Variants in MAK16 observed in about 807,000 individuals in gnomAD.
MAK16 encodes the protein MAK16 homolog.
In MAK16, 12 loss-of-function variants were observed where a neutral mutation model predicts 49.9. That is an observed-to-expected ratio of 0.24 (90% CI 0.15 to 0.39). The LOEUF (loss-of-function observed/expected upper bound fraction) is 0.39, where lower values mean the gene tolerates loss of function less well. Among genes scored for constraint, MAK16 ranks in the 10% least tolerant of loss-of-function variants. The pLI, the probability that MAK16 is intolerant of heterozygous loss-of-function variation, is 1.00. For synonymous variants in MAK16, 115 were observed against 126.4 expected, an observed-to-expected ratio of 0.91 and a Z score of 0.60; for missense variants, 292 against 363.7, an observed-to-expected ratio of 0.80 and a Z score of 1.60.
At chr8:33,497,536 A>G (rs1401367152) in intron 9 of MAK16, among the ~76,000 whole-genome samples, 3 of 151,860 alleles carry the variant, frequency 2.0e-5, no homozygotes, top group African/African-American at 7.3e-5. Flanking sequence ...TCTGTAGCTC[A>G]GGCTAGAGTG....
chr8:33,490,800 C>A (rs1309724286), intron 6 of MAK16, among the ~76,000 whole-genome samples: 1 of 152,138 alleles, frequency 6.6e-6, no homozygotes, highest in Non-Finnish European at 1.5e-5. Context: ...GTTCAATTAT[C>A]CTTACAGTTA....
intron 6 of MAK16, 142 bp from the exon 7 acceptor site, chr8:33,495,400 G>A (rs1275985231): frequency 2.3e-5 from 15 of 662,048 alleles, no homozygotes; most frequent in Non-Finnish European, 3.6e-5. Flanking sequence ...CTATCTCGTT[G>A]GAAAGGCAAA....
chr8:33,485,393 GTT>G (rs1808670003), intron 1 of MAK16, 172 bp downstream of exon 1: 6 of 839,348 alleles, frequency 7.1e-6, no homozygotes, highest in Non-Finnish European at 1.2e-5. Context: ...TCTAGCAGGG[GTT>G]TACTGCCCGC....
chr8:33,495,785 C>T (rs541283157), intron 7 of MAK16, among the ~76,000 whole-genome samples, 169 bp downstream of exon 7: 59 of 140,128 alleles, frequency 4.2e-4, no homozygotes, highest in African/African-American at 7.1e-4. Context: ...GGTGCAATCT[C>T]GGCTCACTGC....
chr8:33,487,088 T>TA (rs370838164), intron 1 of MAK16, among the ~76,000 whole-genome samples: 182 of 152,326 alleles, frequency 1.2e-3, no homozygotes, highest in Non-Finnish European at 2.0e-3. Context: ...AGCTTTTTTT[T>TA]ACCCCAGTTC....
At chr8:33,495,837 C>T (rs1808850970) in intron 7 of MAK16, among the ~76,000 whole-genome samples, 1 of 151,310 alleles carries the variant, frequency 6.6e-6, no homozygotes, top group Non-Finnish European at 1.5e-5. Flanking sequence ...CTGCCTCAGC[C>T]TCCTGAGTAG....
At chr8:33,485,383 T>C (rs1296023163) in intron 1 of MAK16, 162 bp downstream of exon 1, 1 of 934,402 alleles carries the variant, frequency 1.1e-6, no homozygotes, top group South Asian at 1.5e-5. Context: ...CTCACGCGTG[T>C]CTAGCAGGGG....
Position 33,501,229 on chromosome 8 carries a change from G to A in MAK16, c.*2600G>A, listed in dbSNP as rs1003862499. On this transcript the variant is annotated 3_prime_UTR_variant, in exon 10 of 10. Coordinates refer to ENST00000360128, the MANE Select transcript of MAK16 (RefSeq NM_032509.4). Reference sequence around the variant, plus strand: ...TTAACTTACAATGTGAAAATACAATGTGAAATGTACAATAAATCATATTTA... The same window carrying A: ...TTAACTTACAATGTGAAAATACAATATGAAATGTACAATAAATCATATTTA... 6.6e-6 allele frequency: 1 copy of A among 152,194 alleles called. No individual in the cohort carries two copies. Among genetic ancestry groups the A allele is most frequent in the Non-Finnish European group, 1.5e-5 (1 of 68,042 alleles). 9.4% of individuals were successfully genotyped at this position (152,194 alleles called of 1,614,324 possible). A position where few individuals can be genotyped will look rare whatever the true frequency, so the allele number is the denominator to read the frequency against.
chr8:33,497,500 A>T (rs987135642), intron 9 of MAK16, among the ~76,000 whole-genome samples: 13 of 147,404 alleles, frequency 8.8e-5, no homozygotes, highest in Non-Finnish European at 1.7e-4. Context: ...AAAAAAAAAA[A>T]TTTTTTTTTT....
intron 5 of MAK16, 111 bp from the exon 6 acceptor site, chr8:33,490,174 C>A: frequency 2.4e-6 from 2 of 826,840 alleles, no homozygotes; most frequent in Non-Finnish European, 3.9e-6. Context: ...CTGCCCTGCA[C>A]ATGAGTAGAC....
In MAK16 at chr8:33,496,696, C is replaced by G; in HGVS notation, c.594C>G (p.Asp198Glu). 1 of 1,613,270 alleles carries G rather than the reference C, an allele frequency of 6.2e-7. No individual in the cohort carries two copies. Among genetic ancestry groups the G allele is most frequent in the Non-Finnish European group, 8.5e-7 (1 of 1,179,668 alleles). Residue 198 changes from aspartate (D) to glutamate (E), a missense_variant, in exon 8 of 10, where the codon GAC becomes GAG. Asp to Glu is a conservative substitution (Grantham distance 45). Transcript: ENST00000360128. ...TGGAACAACAGGAGGCAGAGAGTGA[C>G]TCTTCAGATACTGAGGAAAAAGATG... ...KALEQQEAES[D>E]SSDTEEKDDD... is the part of the protein sequence containing the mutation.
intron 6 of MAK16, 34 bp from the exon 7 acceptor site, chr8:33,495,508 T>C: frequency 1.3e-6 from 2 of 1,566,964 alleles, no homozygotes; most frequent in Non-Finnish European, 1.8e-6. Context: ...TGAGCACTGA[T>C]GAATTAAACA....
rs749069987 is a variant in MAK16, at chr8:33,495,563, C to A, written c.469C>A (p.Gln157Lys). The A allele has an allele frequency of 1.9e-5, 30 of 1,613,580 alleles. No homozygotes were observed. In the East Asian group the frequency reaches 6.2e-4, roughly 34 times the overall value. ...ATAGGAAAAGGCATTAATAGCTGCT[C>A]AGCTGGACAATGCCATTGAGAAGGA... is the stretch of plus-strand genomic sequence containing the variant. ...RREEKALIAA[Q>K]LDNAIEKELL... The change falls in exon 7 of 10, where the codon CAG becomes AAG. Residue 157 changes from glutamine (Q) to lysine (K), a missense_variant. By Grantham distance (53) the Gln-to-Lys change is moderately conservative (BLOSUM62 1). Coordinates refer to ENST00000360128, the MANE Select transcript of MAK16 (RefSeq NM_032509.4).
intron 6 of MAK16, 125 bp downstream of exon 6, chr8:33,490,464 T>C: frequency 1.6e-6 from 1 of 635,862 alleles, no homozygotes; most frequent in South Asian, 2.2e-5. Context: ...AGATAACTAT[T>C]AGTTGCCTAA....
rs571647825 is a variant in MAK16 at position 33,500,393 on chromosome 8, C to G, written c.*1764C>G. 8 of 1,613,986 alleles carry G rather than the reference C, an allele frequency of 5.0e-6. No homozygotes were observed. In the South Asian group the frequency reaches 7.7e-5, roughly 16 times the overall value. On this transcript the variant is annotated 3_prime_UTR_variant, in exon 10 of 10. Coordinates refer to ENST00000360128, the MANE Select transcript of MAK16 (RefSeq NM_032509.4). ...CAGTCTGTGGCCTCCTGTAGCAGGG[C>G]GCTCTTAACAGACTCAGGTGTAAGG...
intron 6 of MAK16, among the ~76,000 whole-genome samples, chr8:33,490,575 C>T (rs1808762200): frequency 6.6e-6 from 1 of 152,168 alleles, no homozygotes; most frequent in Admixed American, 6.5e-5. Context: ...GAATCCACAA[C>T]TCCTTTTTCT....
At position 33,489,327 on chromosome 8, in the gene MAK16, AATACAACTTG is replaced by A. The variant is rs895316448; in HGVS notation, c.392+191_392+200del. The A allele has an allele frequency of 1.8e-6, 1 of 546,572 alleles. No homozygotes were observed. Among genetic ancestry groups the A allele is most frequent in the African/African-American group, 1.9e-5 (1 of 52,098 alleles). The allele number at this position is 546,572 out of a possible 1,614,324, so 33.9% of individuals were successfully genotyped here. ...TATGGCAGGACTTTTAAAACAGTAGAATACAACTTGATTATCACCCTCCTTGTCTGAAAAT... is the reference window on the plus strand; with the variant it reads ...TATGGCAGGACTTTTAAAACAGTAGAATTATCACCCTCCTTGTCTGAAAAT... On this transcript the variant is annotated intron_variant, in intron 5 of 9. Transcript: ENST00000360128. The surrounding 1 kb of genome is among the most constrained non-coding windows in gnomAD (Gnocchi z 4.2).
intron 1 of MAK16, chr8:33,485,453 GGGTC>G: frequency 1.6e-6 from 1 of 608,092 alleles, no homozygotes; most frequent in Non-Finnish European, 3.0e-6. Flanking sequence ...TCAGCCCATG[GGGTC>G]GATGTGTCCC....
intron 7 of MAK16, 81 bp from the exon 8 acceptor site, chr8:33,496,544 A>AAAAAATATTTAATCACT: frequency 9.7e-7 from 1 of 1,033,370 alleles, no homozygotes; most frequent in Non-Finnish European, 1.4e-6. Flanking sequence ...CTGAGGAAAA[A>AAAAAATATTTAATCACT]GTAATATTCT....
Sources: gnomAD v4.1 joint callset for allele counts (sites outside exome capture counted in the v4.1 genomes callset) on GRCh38, gnomAD v4.1.1 for gene constraint, Gnocchi (gnomAD v3.1) non-coding constraint, MANE v1.5 for transcripts, NCBI Gene and HGNC (gene_info 2026-07-23, HGNC 2026-07-21) for gene names.